Variants in KIRREL1 observed in about 807,000 individuals in gnomAD.
KIRREL1 encodes the protein kin of IRRE-like protein 1.
In KIRREL1, 25 loss-of-function variants were observed where a neutral mutation model predicts 83.3. The observed-to-expected ratio is 0.30, with a 90% CI of 0.22 to 0.42. KIRREL1 has a LOEUF of 0.42. KIRREL1 is among the 10% of genes least tolerant of loss of function. The probability of loss-of-function intolerance (pLI) is 1.00; values close to 1 mark genes in which losing one functional copy is unlikely to be tolerated. For synonymous variants in KIRREL1, 388 were observed against 410.4 expected, an observed-to-expected ratio of 0.95 and a Z score of 0.66; for missense variants, 812 against 1,032.3, an observed-to-expected ratio of 0.79 and a Z score of 2.92.
At chr1:158,032,279 A>T (rs1185778680) in intron 1 of KIRREL1, among the ~76,000 whole-genome samples, 1 of 151,924 alleles carries the variant, frequency 6.6e-6, no homozygotes, top group African/African-American at 2.4e-5. Context: ...GCTGGAGAGG[A>T]TAAGGAGGAG....
chr1:157,994,688 C>G (rs1210247048), intron 1 of KIRREL1, among the ~76,000 whole-genome samples: 1 of 152,030 alleles, frequency 6.6e-6, no homozygotes, highest in Non-Finnish European at 1.5e-5. Context: ...CTGCTGAACT[C>G]CTTCCCTCCC....
At chr1:158,054,236 A>AG (rs1660986070) in intron 1 of KIRREL1, among the ~76,000 whole-genome samples, 1 of 146,334 alleles carries the variant, frequency 6.8e-6, no homozygotes, top group African/African-American at 2.5e-5. Flanking sequence ...AAAAAAAAAA[A>AG]AGAGAAGAAA....
At chr1:158,073,451 G>A (rs974838943) in intron 1 of KIRREL1, among the ~76,000 whole-genome samples, 5 of 152,140 alleles carry the variant, frequency 3.3e-5, no homozygotes, top group Non-Finnish European at 7.3e-5. Context: ...ACTGTACCAC[G>A]CATAGCATAC....
intron 1 of KIRREL1, among the ~76,000 whole-genome samples, chr1:158,035,139 C>T (rs1571555042): frequency 6.6e-6 from 1 of 152,316 alleles, no homozygotes; most frequent in South Asian, 2.1e-4. Flanking sequence ...ATTCCCTTTG[C>T]CCCCTGGCTA....
chr1:158,089,358 A>C (rs1662119399), intron 8 of KIRREL1, 144 bp from the exon 9 acceptor site: 1 of 1,328,378 alleles, frequency 7.5e-7, no homozygotes, highest in East Asian at 2.4e-5. Context: ...ATGGACCAAA[A>C]TGGACTCGGG....
intron 1 of KIRREL1, among the ~76,000 whole-genome samples, chr1:158,044,708 AG>A (rs749861607): frequency 3.3e-5 from 5 of 152,298 alleles, no homozygotes; most frequent in Non-Finnish European, 7.3e-5. Flanking sequence ...CATGTTGGCC[AG>A]GCTGGTCTCG....
intron 1 of KIRREL1, among the ~76,000 whole-genome samples, chr1:158,023,444 A>C (rs917764881): frequency 6.6e-6 from 1 of 152,246 alleles, no homozygotes; most frequent in Non-Finnish European, 1.5e-5. Context: ...TTTTCACTTA[A>C]GAACAATAAT....
rs1418809545 is a variant in KIRREL1 at position 158,097,055 on chromosome 1, G to T, written c.*1935G>T. On this transcript the variant is annotated 3_prime_UTR_variant, in exon 15 of 15. Coordinates refer to ENST00000359209, the MANE Select transcript of KIRREL1 (RefSeq NM_018240.7). Reference sequence around the variant, plus strand: ...CTAATTTTAACTTCACAGGAAGTCTGTGCATCCTCCTTCATTTCAGCAGGG... The same window carrying T: ...CTAATTTTAACTTCACAGGAAGTCTTTGCATCCTCCTTCATTTCAGCAGGG... 4.4e-6 allele frequency: 2 copies of T among 456,694 alleles called. No individual in the cohort carries two copies. The highest frequency in any genetic ancestry group is 2.0e-5 in the African/African-American group (1 of 50,098). The allele number at this position is 456,694 out of a possible 1,614,324, so 28.3% of individuals were successfully genotyped here.
At chr1:158,000,219 CCA>C (rs762430704) in intron 1 of KIRREL1, among the ~76,000 whole-genome samples, 1 of 152,302 alleles carries the variant, frequency 6.6e-6, no homozygotes, top group Non-Finnish European at 1.5e-5. Context: ...ATACATGCAC[CCA>C]CTTCTTATCC....
At chr1:158,025,861 G>T (rs1660154133) in intron 1 of KIRREL1, among the ~76,000 whole-genome samples, 1 of 151,820 alleles carries the variant, frequency 6.6e-6, no homozygotes, top group African/African-American at 2.4e-5. Context: ...CATCCTCCTG[G>T]GCAGGAGGAG....
At chr1:158,013,328 A>C (rs1659739427) in intron 1 of KIRREL1, among the ~76,000 whole-genome samples, 1 of 152,154 alleles carries the variant, frequency 6.6e-6, no homozygotes, top group Non-Finnish European at 1.5e-5. Context: ...TCACCTGGGC[A>C]GTCCACTAAG....
chr1:158,087,758 C>T lies in KIRREL1; in HGVS notation c.665C>T (p.Pro222Leu). ...CTCCCTGTGCTCTACTTTGCAGACC[C>T]TCCTACAGTGACCCTGTCCATTGAG... is the stretch of plus-strand genomic sequence containing the variant. ...ETSIELDVHH[P>L]PTVTLSIEPQ... Residue 222 changes from proline (P) to leucine (L), a missense_variant, in exon 6 of 15, where the codon CCT (proline) becomes CTT (leucine). Pro to Leu is a moderately conservative substitution (Grantham distance 98). Around this residue, in one of 3 missense-constraint regions of KIRREL1, gnomAD observed 472 missense variants for 626.8 expected, o/e 0.75. Coordinates refer to ENST00000359209, the MANE Select transcript of KIRREL1 (RefSeq NM_018240.7). 8.1e-6 allele frequency: 13 copies of T among 1,613,198 alleles called. No homozygotes were observed. The highest frequency in any genetic ancestry group is 3.3e-5 in the South Asian group (3 of 90,976).
chr1:158,050,910 C>T (rs80067980), intron 1 of KIRREL1, among the ~76,000 whole-genome samples: 1,966 of 152,264 alleles, frequency 0.013, 18 homozygotes, highest in Middle Eastern at 0.021. Context: ...TTTGATCCGT[C>T]CCGGTCTCAC....
At chr1:158,043,043 G>A (rs1309416239) in intron 1 of KIRREL1, among the ~76,000 whole-genome samples, 3 of 147,988 alleles carry the variant, frequency 2.0e-5, no homozygotes, top group Admixed American at 6.8e-5. Flanking sequence ...AGCGGAGATT[G>A]CACCACTGCA....
chr1:158,055,170 T>C (rs1001179963), intron 1 of KIRREL1, among the ~76,000 whole-genome samples: 1 of 151,956 alleles, frequency 6.6e-6, no homozygotes, highest in Non-Finnish European at 1.5e-5. Context: ...AAGCCTGGGG[T>C]TGCCTAGCTT....
At chr1:158,043,486 C>A (rs1367936480) in intron 1 of KIRREL1, among the ~76,000 whole-genome samples, 2 of 152,236 alleles carry the variant, frequency 1.3e-5, no homozygotes, top group African/African-American at 2.4e-5. Flanking sequence ...TGCCTGGCTG[C>A]TCCCTTTCAG....
chr1:157,993,741 A>C lies in KIRREL1; in HGVS notation c.52+13A>C, dbSNP rs1258518357. 4 of 1,483,240 alleles carry C rather than the reference A, an allele frequency of 2.7e-6. No individual in the cohort carries two copies. The highest frequency in any genetic ancestry group is 3.6e-6 in the Non-Finnish European group (4 of 1,112,510). 91.9% of individuals were successfully genotyped at this position (1,483,240 alleles called of 1,614,324 possible). A position where few individuals can be genotyped will look rare whatever the true frequency, so the allele number is the denominator to read the frequency against. ...ACTTTCTCCCAAGGTAAGGGCCCCC[A>C]GCCCACCCCCGGACGCTCGGCTTCC... On this transcript the variant is annotated intron_variant, in intron 1 of 14. Coordinates refer to ENST00000359209, the MANE Select transcript of KIRREL1 (RefSeq NM_018240.7).
At chr1:158,076,412 AT>A in intron 2 of KIRREL1, 150 bp downstream of exon 2, 1 of 722,264 alleles carries the variant, frequency 1.4e-6, no homozygotes, top group Non-Finnish European at 2.3e-6. Context: ...ACTGAGCTCC[AT>A]TTCTACAGCT....
chr1:158,086,127 T>TA (rs1332035340), intron 4 of KIRREL1, among the ~76,000 whole-genome samples: 1 of 152,158 alleles, frequency 6.6e-6, no homozygotes, highest in Non-Finnish European at 1.5e-5. Flanking sequence ...GTAACAGACT[T>TA]ATCACTCTAA....
Sources: gnomAD v4.1 joint callset for allele counts (sites outside exome capture counted in the v4.1 genomes callset) on GRCh38, gnomAD v4.1.1 for gene constraint, gnomAD v4.1.1 regional missense constraint, MANE v1.5 for transcripts, NCBI Gene and HGNC (gene_info 2026-07-23, HGNC 2026-07-21) for gene names.